VPS52: variants seen among roughly 807,000 people sequenced by gnomAD.
VPS52 encodes the protein vacuolar protein sorting-associated protein 52 homolog.
Under a neutral mutation model 98.7 loss-of-function variants are expected in VPS52, and 56 were observed. That is an observed-to-expected ratio of 0.57 (90% CI 0.46 to 0.71). The LOEUF (loss-of-function observed/expected upper bound fraction) is 0.71. Ranked by LOEUF, VPS52 falls within the 30% of genes least tolerant of loss-of-function variation. VPS52 has a pLI of 0.00. For missense variants in VPS52, 742 were observed against 925.9 expected, an observed-to-expected ratio of 0.80 and a Z score of 2.58; for synonymous variants, 348 against 346.4, an observed-to-expected ratio of 1.00 and a Z score of -0.05.
chr6:33,263,832 TGAG>T lies in VPS52; in HGVS notation c.1665_1667del (p.Ser556del), dbSNP rs752106075. ...TCAGAAACACAAGCTGCTCCTTCCT[TGAG>T]GAGAACTCAGCTGCCACTCGGAGGA... On this transcript the variant is annotated inframe_deletion, in exon 16 of 20. Transcript: ENST00000445902. The T allele has an allele frequency of 1.7e-5, 27 of 1,614,032 alleles. No individual in the cohort carries two copies. In the South Asian group the frequency reaches 2.5e-4, roughly 15 times the overall value.
At position 33,267,138 on chromosome 6, in the gene VPS52, C is replaced by A; in HGVS notation, c.1125+50G>T. 6.9e-7 allele frequency: 1 copy of A among 1,452,886 alleles called. No homozygotes were observed. The highest frequency in any genetic ancestry group is 1.7e-5 in the South Asian group (1 of 60,114). The allele number at this position is 1,452,886 out of a possible 1,614,324, so 90.0% of individuals were successfully genotyped here. A position where few individuals can be genotyped will look rare whatever the true frequency, so the allele number is the denominator to read the frequency against. ...TGCCCTGAGGTCTGGCCTTCCCTCCCCACCGTGCTCAGAGCCTCTTTCGTG... is the reference window on the plus strand; with the variant it reads ...TGCCCTGAGGTCTGGCCTTCCCTCCACACCGTGCTCAGAGCCTCTTTCGTG... On this transcript the variant is annotated intron_variant, in intron 11 of 19. Coordinates refer to ENST00000445902, the MANE Select transcript of VPS52 (RefSeq NM_022553.6). This position sits in a 1 kb window ranked among gnomAD's most constrained non-coding sequence, Gnocchi z 4.2.
chr6:33,268,653 G>C lies in VPS52; in HGVS notation c.549-4C>G, dbSNP rs747649557. ...CACTGGAGCCTCCAGAATTGCCCTG[G>C]TTAGCAGGGAGGGGTGGGATGAGTT... On this transcript the variant is annotated splice_region_variant and splice_polypyrimidine_tract_variant and intron_variant, in intron 6 of 19. Coordinates refer to ENST00000445902, the MANE Select transcript of VPS52 (RefSeq NM_022553.6). This position sits in a 1 kb window ranked among gnomAD's most constrained non-coding sequence, Gnocchi z 4.0. The C allele has an allele frequency of 1.8e-5, 29 of 1,596,104 alleles. No individual in the cohort carries two copies. The highest frequency in any genetic ancestry group is 2.4e-5 in the Non-Finnish European group (28 of 1,175,428).
chr6:33,268,576 C>A lies in VPS52; in HGVS notation c.622G>T (p.Ala208Ser). The change falls in exon 7 of 20, where the codon GCA becomes TCA. Residue 208 changes from alanine (A) to serine (S), a missense_variant. By Grantham distance (99) the Ala-to-Ser change is moderately conservative (BLOSUM62 1). Transcript: ENST00000445902. The surrounding 1 kb of genome is among the most constrained non-coding windows in gnomAD (Gnocchi z 4.0). ...QLQELDAKAA[A>S]VREQEARGTA... The stretch of plus-strand genomic sequence containing the variant: ...CCTCTAGCTTCCTGCTCTCTGACTG[C>A]GGCTGCCTTGGCATCCAGCTCCTGT... 6.2e-7 allele frequency: 1 copy of A among 1,612,288 alleles called. No individual in the cohort carries two copies. The highest frequency in any genetic ancestry group is 1.3e-5 in the African/African-American group (1 of 75,028).
Position 33,264,794 on chromosome 6 carries a change from G to A in VPS52, c.1388C>T (p.Pro463Leu). Residue 463 changes from proline (P) to leucine (L), a missense_variant, in exon 13 of 20, where the codon CCT (proline) becomes CTT (leucine). Physicochemically the swap from Pro to Leu is moderately conservative, Grantham distance 98. Transcript: ENST00000445902. ...FRNIAAKRDV[P>L]ALDRYWEQVL... ...AGAATTCAGTGACCTGTCCAGGGCA[G>A]GAACATCCCTCTTTGCTGCAATGTT... is the stretch of plus-strand genomic sequence containing the variant. 1 of 1,613,106 alleles carries A rather than the reference G, an allele frequency of 6.2e-7. No individual in the cohort carries two copies. Among genetic ancestry groups the A allele is most frequent in the South Asian group, 1.1e-5 (1 of 91,084 alleles).
intron 14 of VPS52, 86 bp from the exon 15 acceptor site, chr6:33,264,189 T>C: frequency 1.3e-6 from 2 of 1,560,484 alleles, no homozygotes; most frequent in South Asian, 2.2e-5. Context: ...CCCACCTCCA[T>C]GTGATGTGAC....
intron 17 of VPS52, among the ~76,000 whole-genome samples, chr6:33,262,915 A>C (rs1175231335): frequency 6.6e-6 from 1 of 152,140 alleles, no homozygotes; most frequent in Non-Finnish European, 1.5e-5. Flanking sequence ...GAAGGTGGGG[A>C]TGATTAATGG....
chr6:33,251,517 C>A lies in VPS52; in HGVS notation c.2025+1G>T. 6.3e-7 allele frequency: 1 copy of A among 1,599,656 alleles called. No homozygotes were observed. The highest frequency in any genetic ancestry group is 8.6e-7 in the Non-Finnish European group (1 of 1,168,424). On this transcript the variant is annotated splice_donor_variant, in intron 19 of 19. Transcript: ENST00000445902. LOFTEE classifies it high-confidence loss of function. ...AGTGGGGCCTGGGACTTGCAGGTCACCTGAATGATACTGGTGCCATTTCTG... is the reference window on the plus strand; with the variant it reads ...AGTGGGGCCTGGGACTTGCAGGTCAACTGAATGATACTGGTGCCATTTCTG...
At chr6:33,264,150 C>G (rs200453261) in intron 14 of VPS52, 47 bp from the exon 15 acceptor site, 2 of 1,603,610 alleles carry the variant, frequency 1.2e-6, no homozygotes, top group Non-Finnish European at 1.7e-6. Context: ...CTGGCCCAAC[C>G]AACACAACCT....
chr6:33,252,916 C>T (rs574458264), intron 17 of VPS52, among the ~76,000 whole-genome samples: 15 of 152,108 alleles, frequency 9.9e-5, no homozygotes, highest in African/African-American at 3.4e-4. Context: ...CATACCACTA[C>T]CTCTCAAATA....
intron 17 of VPS52, among the ~76,000 whole-genome samples, chr6:33,258,252 T>C (rs1337024003): frequency 6.6e-6 from 1 of 151,928 alleles, no homozygotes; most frequent in African/African-American, 2.4e-5. Flanking sequence ...CCGGGCGTGG[T>C]AGCACACGCC....
intron 17 of VPS52, among the ~76,000 whole-genome samples, chr6:33,261,214 T>C (rs1763591989): frequency 1.3e-5 from 2 of 152,024 alleles, no homozygotes; most frequent in South Asian, 4.1e-4. Flanking sequence ...ACGCCTGTAA[T>C]CCCAGCACTT....
In VPS52 at chr6:33,266,698, G is replaced by A. The variant is rs767193177; in HGVS notation, c.1140C>T (p.Ala380=). The A allele has an allele frequency of 3.1e-6, 5 of 1,610,032 alleles. No individual in the cohort carries two copies. The highest frequency in any genetic ancestry group is 4.2e-6 in the Non-Finnish European group (5 of 1,178,502). The change falls in exon 12 of 20, where the codon GCC becomes GCT. Residue 380 remains alanine (A), a synonymous_variant. Transcript: ENST00000445902. ...GGGCGTAGTGCTGGCTGCGGAAGAG[G>A]GCCTCAAATGGATACTGGGAGAGGA... ...QRGEQRYPFE[A]LFRSQHYALL...
In VPS52 at chr6:33,267,954, T is replaced by C. The variant is rs1472181386; in HGVS notation, c.844A>G (p.Lys282Glu). ...FLLGNERATA[K>E]EIRDEYVETL... ...TCCACATATTCATCCCTGATCTCCT[T>C]TGCTGTTGCTCGTTCATTGCCCAGC... Residue 282 changes from lysine (K) to glutamate (E), a missense_variant, in exon 9 of 20, where the codon AAG becomes GAG. Lys to Glu is a moderately conservative substitution (Grantham distance 56). Around this residue, in one of 2 missense-constraint regions of VPS52, gnomAD observed 590 missense variants for 793.3 expected, o/e 0.74. Transcript: ENST00000445902. The surrounding 1 kb of genome is among the most constrained non-coding windows in gnomAD (Gnocchi z 4.2). The C allele has an allele frequency of 1.2e-6, 2 of 1,613,070 alleles. No individual in the cohort carries two copies.
intron 12 of VPS52, among the ~76,000 whole-genome samples, chr6:33,266,210 C>T (rs1357197634): frequency 6.9e-6 from 1 of 145,088 alleles, no homozygotes; most frequent in Non-Finnish European, 1.5e-5. Flanking sequence ...GAGTGCATGG[C>T]TCACTGCAGC....
intron 12 of VPS52, among the ~76,000 whole-genome samples, 156 bp downstream of exon 12, chr6:33,266,401 G>A (rs1764313451): frequency 6.6e-6 from 1 of 152,116 alleles, no homozygotes; most frequent in Non-Finnish European, 1.5e-5. Flanking sequence ...CCAAAGTGCT[G>A]GGATTATGGG....
At position 33,269,503 on chromosome 6, in the gene VPS52, T is replaced by G; in HGVS notation, c.359A>C (p.Asp120Ala). 7 of 1,613,536 alleles carry G rather than the reference T, an allele frequency of 4.3e-6. No individual in the cohort carries two copies. Among genetic ancestry groups the G allele is most frequent in the Non-Finnish European group, 5.1e-6 (6 of 1,180,014 alleles). The change falls in exon 5 of 20, where the codon GAT becomes GCT. Residue 120 changes from aspartate (D) to alanine (A), a missense_variant. Transcript: ENST00000445902. ...ASLHNQITAC[D>A]AVLERMEQML... is the part of the protein sequence containing the mutation. Reference sequence around the variant, plus strand: ...ATGATTACTAACCTCCAGGACAGCATCACAGGCTGTGATCTGGTTGTGTAG... The same window carrying G: ...ATGATTACTAACCTCCAGGACAGCAGCACAGGCTGTGATCTGGTTGTGTAG...
Position 33,263,790 on chromosome 6 carries a change from C to T in VPS52, c.1710G>A (p.Met570Ile). ...CTATTACCATCAGCACACCCAGCAT[C>T]ATGTCATAGTTGTTGATCAGAAACA... ...QLVFLINNYDMMLGVLMERAA... is the reference protein window; with the variant it reads ...QLVFLINNYDIMLGVLMERAA... The change falls in exon 16 of 20, where the codon ATG becomes ATA. Residue 570 changes from methionine to isoleucine, a missense_variant. Coordinates refer to ENST00000445902, the MANE Select transcript of VPS52 (RefSeq NM_022553.6). 6.2e-7 allele frequency: 1 copy of T among 1,614,214 alleles called. No homozygotes were observed. Among genetic ancestry groups the T allele is most frequent in the Non-Finnish European group, 8.5e-7 (1 of 1,180,032 alleles).
At chr6:33,260,892 TC>T (rs1451112623) in intron 17 of VPS52, among the ~76,000 whole-genome samples, 1 of 151,876 alleles carries the variant, frequency 6.6e-6, no homozygotes, top group Non-Finnish European at 1.5e-5. Flanking sequence ...TCCCAGCTAC[TC>T]AGAGGCTGAG....
chr6:33,253,350 C>T lies in VPS52; in HGVS notation c.1795-1379G>A, dbSNP rs568491444. On this transcript the variant is annotated intron_variant, in intron 17 of 19. Coordinates refer to ENST00000445902, the MANE Select transcript of VPS52 (RefSeq NM_022553.6). ...ACTAAAAATACAAAAATTAGCTGGG[C>T]GTGGTGGTGGGTGTCTATAATCCCA... Among the ~76,000 whole-genome samples, 16 of 151,828 alleles carry T rather than the reference C, an allele frequency of 1.1e-4. No individual in the cohort carries two copies. In the South Asian group the frequency reaches 1.5e-3, roughly 14 times the overall value.
Sources: gnomAD v4.1 joint callset for allele counts (sites outside exome capture counted in the v4.1 genomes callset) on GRCh38, gnomAD v4.1.1 for gene constraint, gnomAD v4.1.1 regional missense constraint, Gnocchi (gnomAD v3.1) non-coding constraint, MANE v1.5 for transcripts, NCBI Gene and HGNC (gene_info 2026-07-23, HGNC 2026-07-21) for gene names.